ADAMTSL1: variants seen among roughly 807,000 people sequenced by gnomAD.
The protein encoded by ADAMTSL1 is ADAMTS-like protein 1.
Under a neutral mutation model 201.8 loss-of-function variants are expected in ADAMTSL1, and 126 were observed. The ratio of observed to expected loss-of-function variants is 0.62; its 90% CI spans 0.54 to 0.72. The LOEUF is 0.72. ADAMTSL1 is among the 30% of genes least tolerant of loss of function. The pLI is 0.00. For missense variants in ADAMTSL1, 2,679 were observed against 2,277.8 expected (o/e 1.18, Z -3.59); for synonymous variants, 1,121 against 903.4 (o/e 1.24, Z -4.32).
At chr9:18,196,631 A>T (rs1021928947) in intron 2 of ADAMTSL1, among the ~76,000 whole-genome samples, 2 of 152,002 alleles carry the variant, frequency 1.3e-5, no homozygotes, top group African/African-American at 2.4e-5. Context: ...AAACCCGATC[A>T]TCTATACTCA....
rs1289056508 is a variant in ADAMTSL1, at chr9:18,454,836, C to T, written c.208-49993C>T. Among the ~76,000 whole-genome samples the T allele has an allele frequency of 2.0e-5, 3 of 152,122 alleles. No individual in the cohort carries two copies. The East Asian group carries it at 5.8e-4, about 29-fold the overall frequency. ...GGTTTGCAAATTAGAAAAATGATTA[C>T]AATCATAGGCAAACCCAACCACATT... On this transcript the variant is annotated intron_variant, in intron 2 of 29. Coordinates refer to the ADAMTSL1 transcript ENST00000680146.
chr9:18,131,873 G>A (rs1398634823), intron 1 of ADAMTSL1, among the ~76,000 whole-genome samples: 2 of 152,130 alleles, frequency 1.3e-5, no homozygotes, highest in African/African-American at 2.4e-5. Context: ...TAAAAAAAAT[G>A]TGGTGGGCAG....
chr9:18,075,156 A>G (rs1823160308), intron 1 of ADAMTSL1, among the ~76,000 whole-genome samples: 2 of 151,870 alleles, frequency 1.3e-5, no homozygotes, highest in Admixed American at 6.6e-5. Flanking sequence ...AGGGAAAACC[A>G]CTTTCCTTTG....
chr9:18,217,381 T>C lies in ADAMTSL1; in HGVS notation c.207+53400T>C, dbSNP rs545763526. 1.1e-4 allele frequency among the ~76,000 whole-genome samples: 16 copies of C among 152,238 alleles called. 1 individual carries two copies. In the South Asian group the frequency reaches 2.7e-3, roughly 26 times the overall value. ...CCCATCTTGGGTGCTTTCAGGCAAA[T>C]GTTTCTTGAGGTGCCAAAGAAGTAG... is the stretch of plus-strand genomic sequence containing the variant. On this transcript the variant is annotated intron_variant, in intron 2 of 29. Coordinates refer to the ADAMTSL1 transcript ENST00000680146.
At chr9:18,132,483 G>A (rs1392307818) in intron 1 of ADAMTSL1, among the ~76,000 whole-genome samples, 1 of 152,070 alleles carries the variant, frequency 6.6e-6, no homozygotes, top group Non-Finnish European at 1.5e-5. Context: ...CAGAATATCA[G>A]CATTTAATGG....
chr9:18,846,370 A>G (rs1826110272), intron 23 of ADAMTSL1, among the ~76,000 whole-genome samples: 1 of 152,182 alleles, frequency 6.6e-6, no homozygotes, highest in Non-Finnish European at 1.5e-5. Flanking sequence ...GACTGGATAG[A>G]GGTTACCCAG....
At chr9:18,647,424 G>A (rs1445312026) in intron 7 of ADAMTSL1, among the ~76,000 whole-genome samples, 1 of 151,270 alleles carries the variant, frequency 6.6e-6, no homozygotes, top group Non-Finnish European at 1.5e-5. Flanking sequence ...CTTGCCTTCT[G>A]CTAGCTTTTG....
chr9:18,276,187 A>T (rs1563852068), intron 2 of ADAMTSL1, among the ~76,000 whole-genome samples: 1 of 151,110 alleles, frequency 6.6e-6, no homozygotes, highest in East Asian at 2.0e-4. Context: ...CCCCTTTTTT[A>T]TTGGGTGTTT....
intron 2 of ADAMTSL1, among the ~76,000 whole-genome samples, chr9:18,190,048 A>C (rs1828907364): frequency 6.6e-6 from 1 of 152,210 alleles, no homozygotes. Context: ...TTTCAAATGA[A>C]ATGTATGTTT....
At chr9:18,372,515 C>A (rs1311519562) in intron 2 of ADAMTSL1, among the ~76,000 whole-genome samples, 1 of 152,106 alleles carries the variant, frequency 6.6e-6, no homozygotes, top group Non-Finnish European at 1.5e-5. Context: ...AGAGGCTTCC[C>A]CAAGGTCTTA....
intron 1 of ADAMTSL1, among the ~76,000 whole-genome samples, chr9:17,953,497 A>G (rs1296860301): frequency 6.6e-6 from 1 of 152,232 alleles, no homozygotes; most frequent in Non-Finnish European, 1.5e-5. Flanking sequence ...ATGTGTTCAC[A>G]AAGACTTACA....
chr9:18,832,661 G>C (rs10811043), intron 23 of ADAMTSL1, among the ~76,000 whole-genome samples: 22 of 152,142 alleles, frequency 1.4e-4, no homozygotes, highest in African/African-American at 5.1e-4. Context: ...CTAGTCAGTC[G>C]TGACATTCTT....
rs375087204 is a variant in ADAMTSL1, at chr9:18,650,404, T to G, written c.835-7235T>G. ...GCACAGCGCGCTGCACCCACTGACCTGCACCCACTGTCTGGCACTCCCTAG... is the reference window on the plus strand; with the variant it reads ...GCACAGCGCGCTGCACCCACTGACCGGCACCCACTGTCTGGCACTCCCTAG... On this transcript the variant is annotated intron_variant, in intron 7 of 28. Transcript: ENST00000380548. Among the ~76,000 whole-genome samples, 5 of 152,174 alleles carry G rather than the reference T, an allele frequency of 3.3e-5. No homozygotes were observed. The East Asian group carries it at 9.7e-4, about 30-fold the overall frequency.
intron 2 of ADAMTSL1, among the ~76,000 whole-genome samples, chr9:18,209,377 A>G (rs1484630906): frequency 6.6e-6 from 1 of 152,178 alleles, no homozygotes; most frequent in African/African-American, 2.4e-5. Context: ...TGGGATGTGT[A>G]GTAAAATGCC....
intron 23 of ADAMTSL1, among the ~76,000 whole-genome samples, chr9:18,834,389 T>C (rs1410580749): frequency 6.6e-6 from 1 of 152,142 alleles, no homozygotes; most frequent in Non-Finnish European, 1.5e-5. Context: ...GTTCTCTTTG[T>C]GGAGATCTTT....
At chr9:18,599,874 T>A (rs138709592) in intron 4 of ADAMTSL1, among the ~76,000 whole-genome samples, 3 of 151,082 alleles carry the variant, frequency 2.0e-5, no homozygotes, top group Non-Finnish European at 4.4e-5. Flanking sequence ...CAGATCTGGC[T>A]GGGCGCGGTG....
In ADAMTSL1 at chr9:18,657,515, C is replaced by T. The variant is rs535931239; in HGVS notation, c.835-124C>T. The T allele has an allele frequency of 1.6e-3, 1,052 of 655,098 alleles. 18 individuals are homozygous for T. Among genetic ancestry groups the T allele is most frequent in the South Asian group, 0.015 (803 of 53,582 alleles). The allele number at this position is 655,098 out of a possible 1,614,324, so 40.6% of individuals were successfully genotyped here. On this transcript the variant is annotated intron_variant, in intron 7 of 28. Coordinates refer to ENST00000380548, the MANE Select transcript of ADAMTSL1 (RefSeq NM_001040272.6). ...ATGATACTGCCATTGCCACTTCTCC[C>T]GCAGTGCAGTCCCTCACACAGCCTA...
intron 2 of ADAMTSL1, among the ~76,000 whole-genome samples, chr9:18,433,922 A>G (rs1033381951): frequency 2.0e-5 from 3 of 152,222 alleles, no homozygotes; most frequent in Admixed American, 1.3e-4. Context: ...GTTTAGGGGA[A>G]TGCTAATTGC....
chr9:18,017,839 A>G (rs572374453), intron 1 of ADAMTSL1, among the ~76,000 whole-genome samples: 1 of 152,164 alleles, frequency 6.6e-6, no homozygotes, highest in African/African-American at 2.4e-5. Flanking sequence ...TCTTACAGGA[A>G]CAGGCTGTCT....
Sources: allele counts gnomAD v4.1 joint callset (sites outside exome capture counted in the v4.1 genomes callset), GRCh38; gene constraint gnomAD v4.1.1; transcripts MANE v1.5; gene names NCBI Gene and HGNC (gene_info 2026-07-23, HGNC 2026-07-21).